Variants in SSH2 observed in about 807,000 individuals in gnomAD.
SSH2 encodes slingshot protein phosphatase 2.
A neutral mutation model predicts 135.2 loss-of-function variants in SSH2; 37 were observed. The ratio of observed to expected loss-of-function variants is 0.27; its 90% CI spans 0.21 to 0.36. SSH2 has a LOEUF of 0.36. Among genes scored for constraint, SSH2 ranks in the 10% least tolerant of loss-of-function variants. The probability of loss-of-function intolerance (pLI) is 1.00; values close to 1 mark genes in which losing one functional copy is unlikely to be tolerated. For missense variants in SSH2, 1,408 were observed against 1,765.3 expected (o/e 0.80, Z 3.63); for synonymous variants, 628 against 646.2 (o/e 0.97, Z 0.43).
Position 29,631,966 on chromosome 17 carries a change from A to G in SSH2, c.3228T>C (p.Ser1076=), listed in dbSNP as rs2035698449. ...CATCCAGTGTGCAGAGCACAGTGAC[A>G]GATTTTTCCATGTTCACTTTCCTCA... The part of the protein sequence containing the change: ...QGLRKVNMEK[S]VTVLCTLDEN... The change falls in exon 16 of 16, where the codon TCT becomes TCC. Residue 1076 remains serine (S), a synonymous_variant. Transcript: ENST00000540801. 1 of 1,614,182 alleles carries G rather than the reference A, an allele frequency of 6.2e-7. No individual in the cohort carries two copies. Among genetic ancestry groups the G allele is most frequent in the South Asian group, 1.1e-5 (1 of 91,082 alleles).
At chr17:29,818,721 A>ATTG (rs2042602411) in intron 2 of SSH2, among the ~76,000 whole-genome samples, 1 of 152,136 alleles carries the variant, frequency 6.6e-6, no homozygotes, top group African/African-American at 2.4e-5. Flanking sequence ...GAAAACATCT[A>ATTG]TCCTTATTGT....
At chr17:29,731,396 G>C (rs2151187270) in intron 3 of SSH2, among the ~76,000 whole-genome samples, 1 of 150,810 alleles carries the variant, frequency 6.6e-6, no homozygotes, top group East Asian at 1.9e-4. Context: ...TACCAACTAG[G>C]TTTTTCATAG....
Position 29,632,090 on chromosome 17 carries a change from C to T in SSH2, c.3104G>A (p.Arg1035Lys). The change falls in exon 16 of 16, where the codon AGG (arginine) becomes AAG (lysine). Residue 1035 changes from arginine to lysine, a missense_variant. Arg to Lys is a conservative substitution (Grantham distance 26, BLOSUM62 2). Around this residue, in one of 3 missense-constraint regions of SSH2, gnomAD observed 1,080 missense variants for 1,144.5 expected, o/e 0.94. Transcript: ENST00000540801. Reference protein sequence around the residue: ...TQAVPLPLPKRVEIIEYTHIV... With the variant: ...TQAVPLPLPKKVEIIEYTHIV... ...GTGGGTATATTCAATGATTTCTACC[C>T]TCTTGGGAAGGGGAAGAGGGACTGC... 1.2e-6 allele frequency: 2 copies of T among 1,614,168 alleles called. No homozygotes were observed. Among genetic ancestry groups the T allele is most frequent in the Non-Finnish European group, 1.7e-6 (2 of 1,180,036 alleles).
At chr17:29,769,614 G>T (rs2041523271) in intron 3 of SSH2, among the ~76,000 whole-genome samples, 1 of 152,086 alleles carries the variant, frequency 6.6e-6, no homozygotes, top group Admixed American at 6.5e-5. Flanking sequence ...TGTGAATGAT[G>T]ATGGCATCAC....
chr17:29,785,058 A>G (rs2151294027), intron 3 of SSH2, among the ~76,000 whole-genome samples: 1 of 152,292 alleles, frequency 6.6e-6, no homozygotes, highest in Admixed American at 6.5e-5. Context: ...TTTTCAGCAG[A>G]TGGTGAGTAA....
At chr17:29,666,489 C>T (rs1462561521) in intron 11 of SSH2, among the ~76,000 whole-genome samples, 15 of 152,172 alleles carry the variant, frequency 9.9e-5, no homozygotes, top group South Asian at 2.1e-4. Context: ...TCAAGACCAA[C>T]GTGGCCAAGA....
At chr17:29,857,660 T>G (rs927238966) in intron 1 of SSH2, among the ~76,000 whole-genome samples, 1 of 152,040 alleles carries the variant, frequency 6.6e-6, no homozygotes, top group Non-Finnish European at 1.5e-5. Context: ...ATTTTTAAAA[T>G]TTTTCTGTAG....
At chr17:29,781,900 C>A (rs964561929) in intron 3 of SSH2, among the ~76,000 whole-genome samples, 2 of 151,664 alleles carry the variant, frequency 1.3e-5, no homozygotes, top group African/African-American at 2.4e-5. Flanking sequence ...AGTACAGTGG[C>A]AAAATCTCAA....
intron 1 of SSH2, among the ~76,000 whole-genome samples, chr17:29,875,931 A>C (rs1017510297): frequency 2.6e-5 from 4 of 151,066 alleles, no homozygotes; most frequent in Non-Finnish European, 5.9e-5. Context: ...ATTTGTACAC[A>C]TGCTTATAAT....
At chr17:29,805,447 G>C (rs2042327572) in intron 2 of SSH2, among the ~76,000 whole-genome samples, 1 of 152,088 alleles carries the variant, frequency 6.6e-6, no homozygotes, top group African/African-American at 2.4e-5. Context: ...GAGCCACCAT[G>C]CCCGGCCCTC....
chr17:29,719,469 G>C (rs565854769), intron 3 of SSH2, among the ~76,000 whole-genome samples: 49 of 150,110 alleles, frequency 3.3e-4, no homozygotes, highest in African/African-American at 1.1e-3. Context: ...CCAAGATCGT[G>C]CCACTCCAGC....
intron 3 of SSH2, among the ~76,000 whole-genome samples, chr17:29,705,475 T>C (rs77263107): frequency 6.6e-6 from 1 of 152,274 alleles, no homozygotes; most frequent in East Asian, 1.9e-4. Context: ...AAAAACTTCT[T>C]AACAGGTCTA....
At chr17:29,915,921 C>T (rs2151480131) in intron 1 of SSH2, among the ~76,000 whole-genome samples, 1 of 151,408 alleles carries the variant, frequency 6.6e-6, no homozygotes, top group East Asian at 1.9e-4. Flanking sequence ...TGTTGGTGTG[C>T]TGCACCCATT....
intron 5 of SSH2, among the ~76,000 whole-genome samples, chr17:29,693,906 C>T (rs868162633): frequency 6.6e-6 from 1 of 152,108 alleles, no homozygotes; most frequent in Admixed American, 6.6e-5. Flanking sequence ...TATAGCTGTC[C>T]CACGGCATTC....
intron 11 of SSH2, among the ~76,000 whole-genome samples, chr17:29,663,396 C>A (rs901011612): frequency 1.3e-5 from 2 of 152,164 alleles, no homozygotes; most frequent in African/African-American, 4.8e-5. Context: ...GCCAGCAGGG[C>A]AAAGACTCAA....
chr17:29,916,570 C>T (rs1264468134), intron 1 of SSH2, among the ~76,000 whole-genome samples: 1 of 151,244 alleles, frequency 6.6e-6, no homozygotes, highest in East Asian at 1.9e-4. Context: ...AAGTGATACT[C>T]GTGCCTCAGC....
At chr17:29,738,834 G>A (rs1250777580) in intron 3 of SSH2, among the ~76,000 whole-genome samples, 3 of 152,116 alleles carry the variant, frequency 2.0e-5, no homozygotes, top group South Asian at 4.1e-4. Context: ...GATTACAGGC[G>A]TGAGCCACCA....
intron 2 of SSH2, among the ~76,000 whole-genome samples, chr17:29,812,657 G>A (rs571695766): frequency 2.6e-5 from 4 of 152,278 alleles, no homozygotes; most frequent in East Asian, 3.9e-4. Flanking sequence ...TTGGGACACC[G>A]AAGCGGGTGG....
chr17:29,815,731 T>C (rs1032973682), intron 2 of SSH2, among the ~76,000 whole-genome samples: 7 of 152,234 alleles, frequency 4.6e-5, no homozygotes, highest in African/African-American at 1.2e-4. Context: ...CTTTCCTCCT[T>C]CTTTGTACAG....
Sources: gnomAD v4.1 joint callset for allele counts (sites outside exome capture counted in the v4.1 genomes callset) on GRCh38, gnomAD v4.1.1 for gene constraint, gnomAD v4.1.1 regional missense constraint, MANE v1.5 for transcripts, NCBI Gene and HGNC (gene_info 2026-07-23, HGNC 2026-07-21) for gene names.